Variants in RBFOX1 observed in about 807,000 individuals in gnomAD.
RBFOX1 encodes RNA binding fox-1 homolog 1.
In RBFOX1, 8 loss-of-function variants were observed where a neutral mutation model predicts 57.7. The ratio of observed to expected loss-of-function variants is 0.14; its 90% confidence interval spans 0.08 to 0.25. RBFOX1 has a LOEUF of 0.25. RBFOX1 is among the 10% of genes least tolerant of loss of function. RBFOX1 has a pLI of 1.00. For missense variants in RBFOX1, 611 were observed against 548.5 expected (o/e 1.11, Z -1.14); for synonymous variants, 326 against 222.4 (o/e 1.47, Z -4.15).
intron 3 of RBFOX1, among the ~76,000 whole-genome samples, chr16:6,855,912 C>A (rs2057798481): frequency 6.7e-6 from 1 of 149,438 alleles, no homozygotes; most frequent in Non-Finnish European, 1.5e-5. Context: ...CCCTTCTTTC[C>A]TTCTTTCTTT....
At chr16:5,558,371 C>T (rs972125496) in intron 2 of RBFOX1, among the ~76,000 whole-genome samples, 1 of 152,148 alleles carries the variant, frequency 6.6e-6, no homozygotes, top group Non-Finnish European at 1.5e-5. Flanking sequence ...AAGCGGTCCT[C>T]ATGTCCTCAC....
chr16:6,604,770 T>C (rs2097903454), intron 2 of RBFOX1, among the ~76,000 whole-genome samples: 1 of 152,218 alleles, frequency 6.6e-6, no homozygotes, highest in South Asian at 2.1e-4. Flanking sequence ...TCCAAGATTC[T>C]ATAATTCTTT....
At chr16:7,685,915 A>C (rs2075963510) in intron 14 of RBFOX1, among the ~76,000 whole-genome samples, 2 of 152,064 alleles carry the variant, frequency 1.3e-5, no homozygotes, top group African/African-American at 4.8e-5. Flanking sequence ...GAATAGGATT[A>C]CAGATTGAGA....
At chr16:7,078,545 G>A (rs1681199794) in intron 4 of RBFOX1, among the ~76,000 whole-genome samples, 1 of 151,554 alleles carries the variant, frequency 6.6e-6, no homozygotes, top group African/African-American at 2.4e-5. Context: ...TCAGGGTTTT[G>A]CCGTGTTGGC....
At chr16:5,949,787 C>T (rs147043890) in intron 4 of RBFOX1, among the ~76,000 whole-genome samples, 2 of 152,272 alleles carry the variant, frequency 1.3e-5, no homozygotes, top group East Asian at 1.9e-4. Flanking sequence ...ATTCTTTGGC[C>T]TCATCCCAAG....
chr16:7,016,004 T>C (rs924133323), intron 3 of RBFOX1, among the ~76,000 whole-genome samples: 3 of 152,138 alleles, frequency 2.0e-5, no homozygotes, highest in African/African-American at 7.2e-5. Flanking sequence ...TGCTGTGTGG[T>C]GATAGGGTTT....
chr16:5,606,057 GC>G (rs1366666830), intron 3 of RBFOX1, among the ~76,000 whole-genome samples: 2 of 152,160 alleles, frequency 1.3e-5, no homozygotes, highest in South Asian at 4.1e-4. Flanking sequence ...AGCAGAGGTT[GC>G]CCGTGGCATG....
At chr16:7,408,419 G>T (rs1229985289) in intron 4 of RBFOX1, among the ~76,000 whole-genome samples, 1 of 152,184 alleles carries the variant, frequency 6.6e-6, no homozygotes, top group Admixed American at 6.5e-5. Context: ...ACTGCACAGA[G>T]ATGAATGGGA....
At chr16:7,598,935 C>T (rs546963149) in intron 9 of RBFOX1, among the ~76,000 whole-genome samples, 3 of 152,266 alleles carry the variant, frequency 2.0e-5, no homozygotes, top group East Asian at 1.9e-4. Context: ...TTTCCTGTTT[C>T]TTTTGCCAGT....
At chr16:7,557,185 T>C (rs2088811401) in intron 5 of RBFOX1, among the ~76,000 whole-genome samples, 1 of 152,148 alleles carries the variant, frequency 6.6e-6, no homozygotes, top group Non-Finnish European at 1.5e-5. Flanking sequence ...GTGCTACTCA[T>C]GGGGCCGGGT....
intron 3 of RBFOX1, among the ~76,000 whole-genome samples, chr16:6,955,499 C>T (rs751034263): frequency 1.3e-5 from 2 of 151,454 alleles, no homozygotes; most frequent in Non-Finnish European, 2.9e-5. Context: ...ATATGAATCT[C>T]ACGGAATTAA....
chr16:5,274,680 A>C (rs1976970), intron 1 of RBFOX1, among the ~76,000 whole-genome samples: 80,580 of 151,968 alleles, frequency 0.53, 22,180 homozygotes, highest in African/African-American at 0.69. Context: ...TGCCATGTTC[A>C]CTTATTAGTG....
Position 7,101,205 on chromosome 16 carries a change from A to ATC in RBFOX1, c.27+49108_27+49109insCT, listed in dbSNP as rs369266084. Among the ~76,000 whole-genome samples the ATC allele has an allele frequency of 3.0e-4, 46 of 152,286 alleles. 1 individual carries two copies. In the Middle Eastern group the frequency reaches 0.02, roughly 68 times the overall value. On this transcript the variant is annotated intron_variant, in intron 4 of 15. Coordinates refer to ENST00000550418, the MANE Select transcript of RBFOX1 (RefSeq NM_018723.4). ...GGCAGAGCTGGCCTATGCAGGCCCC[A>ATC]TTTTTGTGACTAGGAATTTATTCTG...
intron 11 of RBFOX1, among the ~76,000 whole-genome samples, chr16:7,631,933 A>G (rs990023731): frequency 6.6e-6 from 1 of 152,126 alleles, no homozygotes; most frequent in Non-Finnish European, 1.5e-5. Context: ...GTTTTGAGAC[A>G]AAGTCTCACT....
intron 4 of RBFOX1, among the ~76,000 whole-genome samples, chr16:5,869,928 A>G (rs993742131): frequency 2.6e-5 from 4 of 152,186 alleles, no homozygotes; most frequent in Non-Finnish European, 5.9e-5. Flanking sequence ...CCAAATGTCT[A>G]TTAACAGAGT....
intron 4 of RBFOX1, among the ~76,000 whole-genome samples, chr16:7,320,913 A>G (rs1691741304): frequency 6.6e-6 from 1 of 152,192 alleles, no homozygotes; most frequent in South Asian, 2.1e-4. Context: ...CCCAGGGAAA[A>G]ACAGCCAGGG....
intron 2 of RBFOX1, among the ~76,000 whole-genome samples, chr16:5,467,649 C>A (rs1298195280): frequency 6.6e-6 from 1 of 152,060 alleles, no homozygotes; most frequent in Non-Finnish European, 1.5e-5. Context: ...CAGAGCTTGG[C>A]CATGTAAGAA....
chr16:7,194,179 G>C (rs1177768875), intron 4 of RBFOX1, among the ~76,000 whole-genome samples: 1 of 152,074 alleles, frequency 6.6e-6, no homozygotes, highest in Non-Finnish European at 1.5e-5. Flanking sequence ...CTAATACTTT[G>C]TGATCTCTGT....
At chr16:7,004,232 T>G (rs1480469483) in intron 3 of RBFOX1, 2 of 152,158 alleles carry the variant, frequency 1.3e-5, no homozygotes, top group African/African-American at 4.8e-5. Context: ...CTTTTGAATC[T>G]TATGCATAGA....
Sources: allele counts gnomAD v4.1 joint callset (sites outside exome capture counted in the v4.1 genomes callset), GRCh38; gene constraint gnomAD v4.1.1; transcripts MANE v1.5; gene names NCBI Gene and HGNC (gene_info 2026-07-23, HGNC 2026-07-21).